Variants in ROR2 observed in about 807,000 individuals in gnomAD.
The protein encoded by ROR2 is ROR family WNT receptor 2.
Under a neutral mutation model 74.9 loss-of-function variants are expected in ROR2, and 33 were observed. The ratio of observed to expected loss-of-function variants is 0.44; its 90% confidence interval spans 0.33 to 0.59. ROR2 has a LOEUF of 0.59. ROR2 is among the 20% of genes least tolerant of loss of function. ROR2 has a pLI of 0.02. For missense variants in ROR2, 1,216 were observed against 1,313.8 expected (o/e 0.93, Z 1.15); for synonymous variants, 586 against 558.7 (o/e 1.05, Z -0.69).
intron 1 of ROR2, among the ~76,000 whole-genome samples, chr9:91,866,790 C>G (rs1829647650): frequency 1.3e-5 from 2 of 152,122 alleles, no homozygotes; most frequent in Admixed American, 6.5e-5. Flanking sequence ...CTAACAGCTA[C>G]CATACGCAGA....
At chr9:91,725,531 G>A (rs1836997986) in intron 8 of ROR2, among the ~76,000 whole-genome samples, 1 of 152,158 alleles carries the variant, frequency 6.6e-6, no homozygotes, top group South Asian at 2.1e-4. Flanking sequence ...CACGTGAGAT[G>A]TGATGTCTTT....
At chr9:91,802,591 T>C (rs1827424092) in intron 1 of ROR2, among the ~76,000 whole-genome samples, 1 of 152,116 alleles carries the variant, frequency 6.6e-6, no homozygotes, top group Non-Finnish European at 1.5e-5. Context: ...ACCACAGGGC[T>C]TGGCAAAGAG....
chr9:91,753,483 G>A (rs1176757036), intron 4 of ROR2, among the ~76,000 whole-genome samples: 1 of 152,232 alleles, frequency 6.6e-6, no homozygotes, highest in Non-Finnish European at 1.5e-5. Flanking sequence ...CTTTGACGTT[G>A]TCGGGAAAGT....
At chr9:91,929,581 T>C (rs1831498148) in intron 1 of ROR2, among the ~76,000 whole-genome samples, 1 of 152,120 alleles carries the variant, frequency 6.6e-6, no homozygotes, top group South Asian at 2.1e-4. Flanking sequence ...TTGCCTCTGG[T>C]CCCCACGGGC....
In ROR2 at chr9:91,948,730, G is replaced by A. The variant is rs796659461; in HGVS notation, c.97+1137C>T. 20 of 985,490 alleles carry A rather than the reference G, an allele frequency of 2.0e-5. No individual in the cohort carries two copies. The African/African-American group carries it at 3.1e-4, about 15-fold the overall frequency. The allele number at this position is 985,490 out of a possible 1,614,324, so 61.0% of individuals were successfully genotyped here. A position where few individuals can be genotyped will look rare whatever the true frequency, so the allele number is the denominator to read the frequency against. ...ATTCTCACCTTCCTGCAGGAGTGCA[G>A]GGATGGGGGATACTGAAGCCCATTT... On this transcript the variant is annotated intron_variant, in intron 1 of 8. Transcript: ENST00000375708.
intron 1 of ROR2, among the ~76,000 whole-genome samples, chr9:91,929,298 A>T (rs1215506906): frequency 6.6e-6 from 1 of 152,190 alleles, no homozygotes; most frequent in Non-Finnish European, 1.5e-5. Flanking sequence ...AACGCAAGGG[A>T]GGGGGGCACA....
At chr9:91,791,149 T>C (rs1826961287) in intron 1 of ROR2, among the ~76,000 whole-genome samples, 1 of 152,168 alleles carries the variant, frequency 6.6e-6, no homozygotes, top group Admixed American at 6.5e-5. Context: ...CCAGAGCAAC[T>C]TCCAGTCCTG....
At chr9:91,737,080 A>G (rs867278755) in intron 5 of ROR2, among the ~76,000 whole-genome samples, 31 of 152,348 alleles carry the variant, frequency 2.0e-4, no homozygotes, top group Middle Eastern at 6.8e-3. Context: ...GGCCCGGGGC[A>G]GGAGGCCCTG....
intron 1 of ROR2, among the ~76,000 whole-genome samples, chr9:91,804,802 C>T (rs867996057): frequency 2.6e-5 from 4 of 152,194 alleles, no homozygotes; most frequent in Non-Finnish European, 5.9e-5. Context: ...TGTCAGGCTC[C>T]TCTGTCAGTT....
rs367647446 is a variant in ROR2 at position 91,723,783 on chromosome 9, C to T, written c.2711G>A (p.Gly904Glu). Residue 904 changes from glycine to glutamate, a missense_variant, in exon 9 of 9, where the codon GGG (glycine) becomes GAG (glutamate). Gly to Glu is a moderately conservative substitution (Grantham distance 98). Transcript: ENST00000375708. Reference sequence around the variant, plus strand: ...TGCTTCCTGCACGGTGCTCTGGGCCCCATCTTCTGGGGCGTTCTGTGTGTC... The same window carrying T: ...TGCTTCCTGCACGGTGCTCTGGGCCTCATCTTCTGGGGCGTTCTGTGTGTC... ...ADDTQNAPEDGAQSTVQEAEE... is the reference protein window; with the variant it reads ...ADDTQNAPEDEAQSTVQEAEE... The T allele has an allele frequency of 4.3e-6, 7 of 1,613,738 alleles. No individual in the cohort carries two copies. The Admixed American group carries it at 5.0e-5, about 12-fold the overall frequency.
chr9:91,856,549 T>A (rs1384959951), intron 1 of ROR2, among the ~76,000 whole-genome samples: 1 of 152,004 alleles, frequency 6.6e-6, no homozygotes, highest in Non-Finnish European at 1.5e-5. Context: ...GGAGAAGAGA[T>A]GACACAGACA....
chr9:91,780,371 C>T (rs528642329), intron 1 of ROR2, among the ~76,000 whole-genome samples: 29 of 119,568 alleles, frequency 2.4e-4, no homozygotes, highest in South Asian at 2.4e-4. Flanking sequence ...AGCAAGACTC[C>T]GTCTAAAAAA....
intron 2 of ROR2, among the ~76,000 whole-genome samples, chr9:91,773,505 T>C (rs1826310792): frequency 6.6e-6 from 1 of 152,234 alleles, no homozygotes; most frequent in Non-Finnish European, 1.5e-5. Flanking sequence ...CCATGAACTT[T>C]CCGTGATACT....
At chr9:91,917,779 G>A (rs1316544162) in intron 1 of ROR2, among the ~76,000 whole-genome samples, 2 of 152,216 alleles carry the variant, frequency 1.3e-5, no homozygotes, top group Non-Finnish European at 2.9e-5. Flanking sequence ...AAGCCAGACA[G>A]GCCAGCAGGG....
chr9:91,856,556 G>A (rs1371383827), intron 1 of ROR2, among the ~76,000 whole-genome samples: 3 of 152,154 alleles, frequency 2.0e-5, no homozygotes, highest in African/African-American at 7.2e-5. Context: ...AGATGACACA[G>A]ACACACACAG....
chr9:91,933,020 C>CTGT (rs1831590185), intron 1 of ROR2, among the ~76,000 whole-genome samples: 1 of 152,084 alleles, frequency 6.6e-6, no homozygotes, highest in Non-Finnish European at 1.5e-5. Flanking sequence ...AAACATAGGC[C>CTGT]AAGCACAGTG....
Position 91,867,830 on chromosome 9 carries a change from C to T in ROR2, c.97+82037G>A, listed in dbSNP as rs1253057867. ...ACTATAGAGGCTTTGAAAGTAGAAC[C>T]GGCATTGGGACTGCAAACACGGAAG... On this transcript the variant is annotated intron_variant, in intron 1 of 8. Transcript: ENST00000375708. Among the ~76,000 whole-genome samples the T allele has an allele frequency of 2.6e-5, 4 of 152,096 alleles. No individual in the cohort carries two copies. In the South Asian group the frequency reaches 6.2e-4, roughly 24 times the overall value.
At chr9:91,743,695 C>T (rs1294010709) in intron 4 of ROR2, among the ~76,000 whole-genome samples, 1 of 152,210 alleles carries the variant, frequency 6.6e-6, no homozygotes. Flanking sequence ...CTCCTCAAAA[C>T]ATTAGCAAAC....
chr9:91,820,738 G>C (rs1828115351), intron 1 of ROR2, among the ~76,000 whole-genome samples: 1 of 152,056 alleles, frequency 6.6e-6, no homozygotes. Context: ...TATTCTTTAG[G>C]GTCTTTGCAA....
Sources: gnomAD v4.1 joint callset for allele counts (sites outside exome capture counted in the v4.1 genomes callset) on GRCh38, gnomAD v4.1.1 for gene constraint, MANE v1.5 for transcripts, NCBI Gene and HGNC (gene_info 2026-07-23, HGNC 2026-07-21) for gene names.